Variants in MED13 observed in about 807,000 individuals in gnomAD.
MED13 encodes mediator of RNA polymerase II transcription subunit 13.
MED13 carries 23 observed loss-of-function variants against 225.2 expected under a neutral mutation model. The observed-to-expected ratio is 0.10, with a 90% confidence interval of 0.07 to 0.14. The LOEUF (loss-of-function observed/expected upper bound fraction) is 0.14. Among genes scored for constraint, MED13 ranks in the 10% least tolerant of loss-of-function variants. The probability of loss-of-function intolerance (pLI) is 1.00; values close to 1 mark genes in which losing one functional copy is unlikely to be tolerated. For missense variants in MED13, 2,197 were observed against 2,594.5 expected (o/e 0.85, Z 3.33); for synonymous variants, 942 against 889.2 (o/e 1.06, Z -1.06).
intron 6 of MED13, 199 bp downstream of exon 6, chr17:62,031,245 T>C (rs2143677234): frequency 4.3e-6 from 2 of 467,126 alleles, no homozygotes; most frequent in South Asian, 3.6e-5. Context: ...AAAAGACCAA[T>C]GATAATGAAT....
chr17:61,993,260 G>A (rs1224763181), intron 10 of MED13, among the ~76,000 whole-genome samples: 1 of 138,702 alleles, frequency 7.2e-6, no homozygotes, highest in African/African-American at 2.9e-5. Context: ...AGAGTGCAGT[G>A]GCATGATCTT....
intron 2 of MED13, among the ~76,000 whole-genome samples, chr17:62,062,795 A>G (rs955129179): frequency 1.3e-5 from 2 of 152,182 alleles, no homozygotes; most frequent in African/African-American, 4.8e-5. Flanking sequence ...TTAATGTAAC[A>G]TGCCTTCTTC....
chr17:61,991,112 A>T (rs780841402), intron 11 of MED13, among the ~76,000 whole-genome samples: 16 of 151,944 alleles, frequency 1.1e-4, no homozygotes, highest in Non-Finnish European at 2.2e-4. Flanking sequence ...TCATTTTTCA[A>T]TTTTTATTTA....
At chr17:62,010,527 T>C in intron 9 of MED13, 23 bp downstream of exon 9, 2 of 1,383,886 alleles carry the variant, frequency 1.4e-6, no homozygotes, top group Non-Finnish European at 1.9e-6. Flanking sequence ...ATTATAATGG[T>C]GACTATTAAA....
At position 61,962,865 on chromosome 17, in the gene MED13, T is replaced by C. The variant is rs35292219; in HGVS notation, c.4951A>G (p.Asn1651Asp). ...VYIIDPFTYENTDESTNSSSV... is the reference protein window; with the variant it reads ...VYIIDPFTYEDTDESTNSSSV... ...GAAGAGTTAGTGCTCTCGTCTGTAT[T>C]TTCGTATGTAAAAGGATCAATTATA... is the stretch of plus-strand genomic sequence containing the variant. The change falls in exon 21 of 30, where the codon AAT becomes GAT. Residue 1651 changes from asparagine (N) to aspartate (D), a missense_variant. This residue lies in a region of MED13 where 457 missense variants were observed against 442.2 expected (regional missense o/e 1.03). Transcript: ENST00000397786. 9 of 1,614,002 alleles carry C rather than the reference T, an allele frequency of 5.6e-6. No individual in the cohort carries two copies. In the African/African-American group the frequency reaches 1.1e-4, roughly 19 times the overall value.
At chr17:61,949,526 C>T (rs1440724030) in intron 28 of MED13, among the ~76,000 whole-genome samples, 1 of 152,068 alleles carries the variant, frequency 6.6e-6, no homozygotes, top group African/African-American at 2.4e-5. Context: ...TGTGCCCAGC[C>T]TGAGTTTGTT....
chr17:62,011,255 T>A (rs1567976349), intron 8 of MED13, 22 bp from the exon 9 acceptor site: 1 of 1,590,780 alleles, frequency 6.3e-7, no homozygotes. Flanking sequence ...AAATAAAGGT[T>A]TCATATTTAC....
intron 26 of MED13, among the ~76,000 whole-genome samples, chr17:61,954,841 C>A (rs1440907732): frequency 6.6e-6 from 1 of 152,112 alleles, no homozygotes; most frequent in African/African-American, 2.4e-5. Flanking sequence ...CTGATATCAA[C>A]AAGGTGAAAG....
At chr17:61,986,886 A>G (rs2080252489) in intron 12 of MED13, 121 bp downstream of exon 12, 2 of 522,990 alleles carry the variant, frequency 3.8e-6, no homozygotes, top group Admixed American at 4.5e-5. Flanking sequence ...AGGTTTTACT[A>G]TATTTCCTAT....
At position 62,010,759 on chromosome 17, in the gene MED13, G is replaced by T. The variant is rs371928096; in HGVS notation, c.1758C>A (p.Phe586Leu). The change falls in exon 9 of 30, where the codon TTC (phenylalanine) becomes TTA (leucine). Residue 586 changes from phenylalanine (F) to leucine (L), a missense_variant. This residue lies in a region of MED13 where 884 missense variants were observed against 918.5 expected (regional missense o/e 0.96). Coordinates refer to ENST00000397786, the MANE Select transcript of MED13 (RefSeq NM_005121.3). ...CTACAGCTTCCTGATATTGAGGTGG[G>T]AAAGACTGGGACAAACTGTCTATCC... The part of the protein sequence containing the change: ...EDRIDSLSQS[F>L]PPQYQEAVEP... The T allele has an allele frequency of 6.8e-6, 11 of 1,613,960 alleles. No homozygotes were observed. The highest frequency in any genetic ancestry group is 1.6e-4 in the Middle Eastern group (1 of 6,084).
At chr17:61,988,140 C>G (rs1182843353) in intron 11 of MED13, among the ~76,000 whole-genome samples, 2 of 152,094 alleles carry the variant, frequency 1.3e-5, no homozygotes, top group Non-Finnish European at 2.9e-5. Flanking sequence ...CCCAGCTCCA[C>G]CACTAACAGT....
chr17:62,000,441 T>C (rs528329707), intron 9 of MED13, among the ~76,000 whole-genome samples: 9 of 152,330 alleles, frequency 5.9e-5, no homozygotes, highest in Non-Finnish European at 1.3e-4. Context: ...TGCATTCACA[T>C]GTTTACGATG....
intron 8 of MED13, among the ~76,000 whole-genome samples, chr17:62,028,354 G>A (rs2080722189): frequency 6.6e-6 from 1 of 152,108 alleles, no homozygotes; most frequent in South Asian, 2.1e-4. Flanking sequence ...AGAACTCATG[G>A]ACACAAAGAA....
chr17:62,065,134 A>C lies in MED13; in HGVS notation c.66+6T>G. The C allele has an allele frequency of 6.4e-7, 1 of 1,556,238 alleles. No homozygotes were observed. Among genetic ancestry groups the C allele is most frequent in the Non-Finnish European group, 8.7e-7 (1 of 1,152,998 alleles). On this transcript the variant is annotated splice_donor_region_variant and intron_variant, in intron 1 of 29. Transcript: ENST00000397786. ...TCCCTCGGCGCCCGCCGGCCCCGGCACTCACCAGGCAGAAGAGGTTACAGT... is the reference window on the plus strand; with the variant it reads ...TCCCTCGGCGCCCGCCGGCCCCGGCCCTCACCAGGCAGAAGAGGTTACAGT...
At chr17:61,990,106 GACTT>G (rs2080282246) in intron 11 of MED13, among the ~76,000 whole-genome samples, 1 of 152,064 alleles carries the variant, frequency 6.6e-6, no homozygotes, top group Non-Finnish European at 1.5e-5. Flanking sequence ...ACCAGAAGAT[GACTT>G]ACTTTGCCCA....
At chr17:62,020,703 TTTTA>T (rs918104185) in intron 8 of MED13, among the ~76,000 whole-genome samples, 4 of 150,030 alleles carry the variant, frequency 2.7e-5, no homozygotes, top group South Asian at 2.1e-4. Flanking sequence ...TTTTTTTTTT[TTTTA>T]ATTGATCATT....
chr17:62,011,274 T>C, intron 8 of MED13, 41 bp from the exon 9 acceptor site: 1 of 1,542,136 alleles, frequency 6.5e-7, no homozygotes, highest in East Asian at 2.2e-5. Context: ...ACAGTATCAC[T>C]ATTATGGCGA....
At position 61,965,448 on chromosome 17, in the gene MED13, G is replaced by A. The variant is rs895246613; in HGVS notation, c.4402C>T (p.Pro1468Ser). The change falls in exon 20 of 30, where the codon CCA (proline) becomes TCA (serine). Residue 1468 changes from proline (P) to serine (S), a missense_variant. Transcript: ENST00000397786. ...YDLGPYLASL[P>S]LDSSLLSQPN... The stretch of plus-strand genomic sequence containing the variant: ...TGGGAAAGTAGAGAGCTGTCCAATG[G>A]CAGGGAAGCAAGATAAGGACCTAAA... 1.2e-5 allele frequency: 19 copies of A among 1,613,490 alleles called. No individual in the cohort carries two copies. Among genetic ancestry groups the A allele is most frequent in the Admixed American group, 8.3e-5 (5 of 59,982 alleles).
Position 61,972,850 on chromosome 17 carries a change from G to C in MED13, c.3844C>G (p.Leu1282Val), listed in dbSNP as rs747538373. The C allele has an allele frequency of 6.2e-7, 1 of 1,613,572 alleles. No individual in the cohort carries two copies. Among genetic ancestry groups the C allele is most frequent in the African/African-American group, 1.3e-5 (1 of 74,992 alleles). Residue 1282 changes from leucine (L) to valine (V), a missense_variant, in exon 17 of 30, where the codon CTC becomes GTC. By Grantham distance (32) the Leu-to-Val change is conservative (BLOSUM62 1). Around this residue, in one of 12 missense-constraint regions of MED13, gnomAD observed 203 missense variants for 209.7 expected, o/e 0.97. Transcript: ENST00000397786. ...TGAAGAACTGGCTGAAGAGAGAGGAGCATTCGAAGTATATCCTGTGAGCAC... is the reference window on the plus strand; with the variant it reads ...TGAAGAACTGGCTGAAGAGAGAGGACCATTCGAAGTATATCCTGTGAGCAC... ...MQCSQDILRM[L>V]LSLQPVLQDA...
Sources: gnomAD v4.1 joint callset for allele counts (sites outside exome capture counted in the v4.1 genomes callset) on GRCh38, gnomAD v4.1.1 for gene constraint, gnomAD v4.1.1 regional missense constraint, MANE v1.5 for transcripts, NCBI Gene and HGNC (gene_info 2026-07-23, HGNC 2026-07-21) for gene names.